The following RC3H2 variants were observed in gnomAD, a reference collection of about 807,000 sequenced individuals.
The protein encoded by RC3H2 is roquin-2.
Under a neutral mutation model 133.3 loss-of-function variants are expected in RC3H2, and 31 were observed. That is an observed-to-expected ratio of 0.23 (90% CI 0.17 to 0.31). RC3H2 has a LOEUF of 0.31. Among genes scored for constraint, RC3H2 ranks in the 10% least tolerant of loss-of-function variants. The pLI, the probability that RC3H2 is intolerant of heterozygous loss-of-function variation, is 1.00. For missense variants in RC3H2, 1,175 were observed against 1,437.2 expected (o/e 0.82, Z 2.95); for synonymous variants, 517 against 502.2 (o/e 1.03, Z -0.40).
chr9:122,879,913 GA>G (rs1564305834), intron 7 of RC3H2, 40 bp from the exon 8 acceptor site: 17 of 1,610,624 alleles, frequency 1.1e-5, no homozygotes, highest in Admixed American at 1.7e-5. Flanking sequence ...TGGGGGGGAA[GA>G]ATGTTAGCAG....
At chr9:122,896,464 A>C (rs775466185) in intron 2 of RC3H2, among the ~76,000 whole-genome samples, 2 of 152,262 alleles carry the variant, frequency 1.3e-5, no homozygotes, top group Non-Finnish European at 2.9e-5. Flanking sequence ...TTATCCACCA[A>C]TATCACTTAT....
chr9:122,850,587 T>G (rs2131376994), intron 20 of RC3H2, among the ~76,000 whole-genome samples: 1 of 151,888 alleles, frequency 6.6e-6, no homozygotes, highest in Non-Finnish European at 1.5e-5. Context: ...AGAATACAGG[T>G]GCCCGCCACT....
intron 10 of RC3H2, 148 bp downstream of exon 10, chr9:122,865,201 T>A: frequency 2.7e-6 from 2 of 735,504 alleles, no homozygotes; most frequent in Non-Finnish European, 4.3e-6. Context: ...AGAACTCAAA[T>A]TTTTTAGTAT....
In RC3H2 at chr9:122,868,342, C is replaced by T. The variant is rs537830227; in HGVS notation, c.1326-2685G>A. On this transcript the variant is annotated intron_variant, in intron 9 of 20. Transcript: ENST00000357244. ...AAAGATTGAGAAATCGGATGGTTGC[C>T]GTGTCTGTGTGGAAAGAAGTAGACA... Among the ~76,000 whole-genome samples the T allele has an allele frequency of 2.6e-3, 397 of 152,256 alleles. 2 individuals carry two copies. Among genetic ancestry groups the T allele is most frequent in the South Asian group, 4.8e-3 (23 of 4,826 alleles).
intron 1 of RC3H2, chr9:122,898,162 AC>A (rs1356144890): frequency 6.6e-6 from 1 of 152,264 alleles, no homozygotes; most frequent in Non-Finnish European, 1.5e-5. Flanking sequence ...GACTGTGATG[AC>A]TGAGAGATGA....
intron 9 of RC3H2, among the ~76,000 whole-genome samples, chr9:122,868,882 TGTGTGTGTATGTG>T (rs1464113330): frequency 0.011 from 272 of 25,194 alleles, 2 homozygotes; most frequent in Non-Finnish European, 0.027. Flanking sequence ...TGTGTGTGTG[TGTGTGTGTATGTG>T]TTTTTTTTTT....
chr9:122,847,795 G>A lies in RC3H2; in HGVS notation c.*1832C>T, dbSNP rs911096911. The A allele has an allele frequency of 7.2e-5, 11 of 152,088 alleles. No individual in the cohort carries two copies. The highest frequency in any genetic ancestry group is 2.7e-4 in the African/African-American group (11 of 41,426). The allele number at this position is 152,088 out of a possible 1,614,324, so 9.4% of individuals were successfully genotyped here. A position where few individuals can be genotyped will look rare whatever the true frequency, so the allele number is the denominator to read the frequency against. On this transcript the variant is annotated 3_prime_UTR_variant, in exon 21 of 21. Coordinates refer to ENST00000357244, the MANE Select transcript of RC3H2 (RefSeq NM_001100588.3). Reference sequence around the variant, plus strand: ...TACTAACCAAAGGAAACTAAGTCAAGGCTACTGTGCTGTTGTTATGCTACA... The same window carrying A: ...TACTAACCAAAGGAAACTAAGTCAAAGCTACTGTGCTGTTGTTATGCTACA...
At chr9:122,897,175 T>C (rs1832460602) in intron 2 of RC3H2, 104 bp downstream of exon 2, 1 of 908,162 alleles carries the variant, frequency 1.1e-6, no homozygotes, top group East Asian at 2.6e-5. Flanking sequence ...CATTCAAAGA[T>C]GTCCTGGGCC....
rs777157254 is a variant in RC3H2 at position 122,855,245 on chromosome 9, G to A, written c.2754C>T (p.Thr918=). The A allele has an allele frequency of 8.7e-6, 14 of 1,614,020 alleles. No homozygotes were observed. In the African/African-American group the frequency reaches 9.3e-5, roughly 11 times the overall value. Residue 918 remains threonine (T), a synonymous_variant, in exon 15 of 21, where the codon ACC becomes ACT. Transcript: ENST00000357244. The part of the protein sequence containing the change: ...ISRSSRTGYH[T]TDPVQATASQ... ...AAGCAGTGGCCTGGACAGGATCTGT[G>A]GTATGGTAACCTGTACGGGAAGATC...
Position 122,865,454 on chromosome 9 carries a change from C to T in RC3H2, c.1529G>A (p.Ser510Asn). The change falls in exon 10 of 21, where the codon AGT becomes AAT. Residue 510 changes from serine to asparagine, a missense_variant. Around this residue, in one of 8 missense-constraint regions of RC3H2, gnomAD observed 490 missense variants for 492.8 expected, o/e 0.99. Coordinates refer to ENST00000357244, the MANE Select transcript of RC3H2 (RefSeq NM_001100588.3). ...CAGAGCTCTTAAGGTACTGTCAGTA[C>T]TACGTGAGATTAGCTGGGAAACACT... ...ENSVSQLISRSTDSTLRALET... is the reference protein window; with the variant it reads ...ENSVSQLISRNTDSTLRALET... 1.2e-6 allele frequency: 2 copies of T among 1,614,174 alleles called. No individual in the cohort carries two copies. The highest frequency in any genetic ancestry group is 1.7e-6 in the Non-Finnish European group (2 of 1,180,020).
intron 4 of RC3H2, among the ~76,000 whole-genome samples, chr9:122,889,020 A>T (rs2131482701): frequency 6.6e-6 from 1 of 152,274 alleles, no homozygotes; most frequent in East Asian, 1.9e-4. Context: ...ATAGGTGAGA[A>T]ATGGTATTTC....
At chr9:122,903,795 T>C (rs1032337535) in intron 1 of RC3H2, among the ~76,000 whole-genome samples, 2 of 152,232 alleles carry the variant, frequency 1.3e-5, no homozygotes, top group Admixed American at 1.3e-4. Context: ...TTTAACAGGA[T>C]GTAACGACCT....
chr9:122,879,068 T>A (rs932065941), intron 8 of RC3H2, among the ~76,000 whole-genome samples: 4 of 150,220 alleles, frequency 2.7e-5, no homozygotes, highest in African/African-American at 7.3e-5. Flanking sequence ...GGTTTATATC[T>A]TAACTTCTAA....
chr9:122,892,814 T>C (rs1588110003), intron 3 of RC3H2, 95 bp downstream of exon 3: 2 of 920,538 alleles, frequency 2.2e-6, no homozygotes, highest in Middle Eastern at 2.3e-4. Flanking sequence ...GCAAACTCCT[T>C]TTCCATAACT....
In RC3H2 at chr9:122,847,035, G is replaced by A. The variant is rs1413604648; in HGVS notation, c.*2592C>T. On this transcript the variant is annotated 3_prime_UTR_variant, in exon 21 of 21. Coordinates refer to ENST00000357244, the MANE Select transcript of RC3H2 (RefSeq NM_001100588.3). ...ATGTTGTTAGTGAAAAAGAGAGTAA[G>A]TTTTTAAGAACAGGGAGTTATTGTT... 1.3e-5 allele frequency: 2 copies of A among 152,098 alleles called. No individual in the cohort carries two copies. Among genetic ancestry groups the A allele is most frequent in the African/African-American group, 4.8e-5 (2 of 41,426 alleles). 9.4% of individuals were successfully genotyped at this position (152,098 alleles called of 1,614,324 possible).
At chr9:122,872,222 T>C (rs1831131691) in intron 9 of RC3H2, among the ~76,000 whole-genome samples, 1 of 152,242 alleles carries the variant, frequency 6.6e-6, no homozygotes, top group Admixed American at 6.5e-5. Context: ...GGAGTCATCC[T>C]TGATTCCTCT....
At chr9:122,879,715 T>TA in intron 8 of RC3H2, 40 bp downstream of exon 8, 1 of 1,341,590 alleles carries the variant, frequency 7.5e-7, no homozygotes, top group African/African-American at 1.5e-5. Flanking sequence ...GAAACTGAGT[T>TA]AGAGACAACA....
At position 122,859,921 on chromosome 9, in the gene RC3H2, C is replaced by T. The variant is rs937422849; in HGVS notation, c.1845G>A (p.Gln615=). 3.1e-6 allele frequency: 5 copies of T among 1,605,444 alleles called. No individual in the cohort carries two copies. The highest frequency in any genetic ancestry group is 4.3e-6 in the Non-Finnish European group (5 of 1,172,222). ...QIPFEVPQYP[Q]TGYYPPPPTV... ...GAATTGTCTAAAATTACTCACCTGT[C>T]TGTGGGTACTGTGGGACTTCAAAGG... The change falls in exon 11 of 21, where the codon CAG becomes CAA. Residue 615 remains glutamine (Q), a synonymous_variant. Coordinates refer to ENST00000357244, the MANE Select transcript of RC3H2 (RefSeq NM_001100588.3).
intron 9 of RC3H2, among the ~76,000 whole-genome samples, chr9:122,871,482 A>G (rs1237792375): frequency 7.0e-6 from 1 of 142,234 alleles, no homozygotes; most frequent in African/African-American, 2.7e-5. Context: ...TGTTTTTAGT[A>G]GAGACGGGGT....
Sources: allele counts gnomAD v4.1 joint callset (sites outside exome capture counted in the v4.1 genomes callset), GRCh38; gene constraint gnomAD v4.1.1; regional missense constraint gnomAD v4.1.1; transcripts MANE v1.5; gene names NCBI Gene and HGNC (gene_info 2026-07-23, HGNC 2026-07-21).